Variants in CAST observed in about 807,000 individuals in gnomAD.
CAST encodes the protein MIR583 host.
A neutral mutation model predicts 119.6 loss-of-function variants in CAST; 76 were observed. That is an observed-to-expected ratio of 0.64 (90% confidence interval 0.53 to 0.77). CAST has a LOEUF of 0.77. Among genes scored for constraint, CAST ranks in the 30% least tolerant of loss-of-function variants. The probability of loss-of-function intolerance (pLI) is 0.00; values close to 1 mark genes in which losing one functional copy is unlikely to be tolerated. For missense variants in CAST, 953 were observed against 946.5 expected, an observed-to-expected ratio of 1.01 and a Z score of -0.09; for synonymous variants, 319 against 331.6, an observed-to-expected ratio of 0.96 and a Z score of 0.41.
chr5:96,659,848 C>A (rs147122675), upstream of CAST, among the ~76,000 whole-genome samples: 10 of 152,168 alleles, frequency 6.6e-5, no homozygotes, highest in East Asian at 1.9e-3. Flanking sequence ...AGGAGCTTCC[C>A]CAAATTAGTA....
chr5:96,284,504 A>G, the CAST span, among the ~76,000 whole-genome samples: 1 of 152,176 alleles, frequency 6.6e-6, no homozygotes, highest in Non-Finnish European at 1.5e-5. Flanking sequence ...GCTCCCAGGG[A>G]CTGCCTCTAA....
intron 18 of CAST, 97 bp downstream of exon 18, chr5:96,747,489 T>C: frequency 1.2e-6 from 1 of 811,152 alleles, no homozygotes; most frequent in East Asian, 2.6e-5. Context: ...CTGTGCAGAC[T>C]TGCATGCTAA....
At chr5:96,464,554 T>G in the CAST span, among the ~76,000 whole-genome samples, 1 of 152,216 alleles carries the variant, frequency 6.6e-6, no homozygotes, top group African/African-American at 2.4e-5. Context: ...AAAATACCAC[T>G]GAGTAAATTG....
the CAST span, among the ~76,000 whole-genome samples, chr5:96,375,962 C>T: frequency 2.1e-5 from 3 of 145,552 alleles, no homozygotes; most frequent in African/African-American, 5.2e-5. Context: ...TATATATCTC[C>T]TATTAATTCT....
the CAST span, among the ~76,000 whole-genome samples, chr5:96,297,150 A>C: frequency 6.6e-6 from 1 of 152,192 alleles, no homozygotes; most frequent in Non-Finnish European, 1.5e-5. Context: ...CTGTTCCAGT[A>C]GGTTATTTTG....
the CAST span, among the ~76,000 whole-genome samples, chr5:96,380,664 A>G: frequency 6.6e-6 from 1 of 152,226 alleles, no homozygotes; most frequent in Non-Finnish European, 1.5e-5. Context: ...AAGTGAAATT[A>G]AAGTTTCAGA....
chr5:96,678,396 A>G (rs914393169), intron 2 of CAST, among the ~76,000 whole-genome samples: 8 of 152,208 alleles, frequency 5.3e-5, no homozygotes, highest in African/African-American at 1.7e-4. Context: ...TTTGCTTTCT[A>G]TCTTCTTCAC....
chr5:96,040,891 G>A, the CAST span, among the ~76,000 whole-genome samples: 8 of 152,144 alleles, frequency 5.3e-5, no homozygotes, highest in East Asian at 9.6e-4. Flanking sequence ...CTCATAAAAT[G>A]AGTTAGGCAG....
the CAST span, among the ~76,000 whole-genome samples, chr5:96,080,210 T>C: frequency 6.6e-6 from 1 of 152,202 alleles, no homozygotes; most frequent in Admixed American, 6.5e-5. Flanking sequence ...AGAGGTGTTA[T>C]GGGCATTAAA....
the CAST span, among the ~76,000 whole-genome samples, chr5:96,093,208 G>T: frequency 6.6e-6 from 1 of 152,178 alleles, no homozygotes; most frequent in Non-Finnish European, 1.5e-5. Context: ...AGCATTCGGT[G>T]ACCCAATTCT....
the CAST span, among the ~76,000 whole-genome samples, chr5:96,355,674 G>A: frequency 0.012 from 1,818 of 151,950 alleles, 33 homozygotes; most frequent in African/African-American, 0.041. Flanking sequence ...ATTTCTCCAC[G>A]TCCTCTCCAG....
At chr5:96,328,193 T>C in the CAST span, among the ~76,000 whole-genome samples, 1 of 152,208 alleles carries the variant, frequency 6.6e-6, no homozygotes, top group Non-Finnish European at 1.5e-5. Flanking sequence ...TGAAAAATGT[T>C]AAAAACTCAT....
At chr5:96,427,776 G>T in the CAST span, among the ~76,000 whole-genome samples, 1 of 152,154 alleles carries the variant, frequency 6.6e-6, no homozygotes, top group Non-Finnish European at 1.5e-5. Context: ...ATGCAGTTTG[G>T]GCATGCATTT....
intron 1 of CAST, among the ~76,000 whole-genome samples, chr5:96,579,219 A>C (rs1003760658): frequency 2.6e-5 from 4 of 152,128 alleles, no homozygotes; most frequent in African/African-American, 9.7e-5. Context: ...CCAGGTACCT[A>C]CTGTGGCATA....
the CAST span, among the ~76,000 whole-genome samples, chr5:96,056,874 C>T: frequency 1.3e-5 from 2 of 152,118 alleles, no homozygotes; most frequent in Non-Finnish European, 2.9e-5. Context: ...AGGGATCTCT[C>T]TACCATCCCC....
chr5:96,096,599 G>T, the CAST span, among the ~76,000 whole-genome samples: 1 of 152,194 alleles, frequency 6.6e-6, no homozygotes, highest in Non-Finnish European at 1.5e-5. Context: ...CTGCAATCTT[G>T]TTTCCATTTT....
the CAST span, among the ~76,000 whole-genome samples, chr5:96,227,756 C>A: frequency 6.6e-6 from 1 of 151,944 alleles, no homozygotes; most frequent in African/African-American, 2.4e-5. Flanking sequence ...ATCAGTTTAC[C>A]CAACTTCCAC....
At chr5:95,986,110 C>T in the CAST span, 7 of 152,206 alleles carry the variant, frequency 4.6e-5, no homozygotes, top group Admixed American at 4.6e-4. Flanking sequence ...TTAAGTCCTG[C>T]TTTCTAAAGG....
At chr5:96,482,303 C>G in the CAST span, among the ~76,000 whole-genome samples, 1 of 151,458 alleles carries the variant, frequency 6.6e-6, no homozygotes, top group Non-Finnish European at 1.5e-5. Flanking sequence ...GGTTAGTTGC[C>G]ATGAAACTGA....
Sources: allele counts gnomAD v4.1 joint callset (sites outside exome capture counted in the v4.1 genomes callset), GRCh38; gene constraint gnomAD v4.1.1; transcripts MANE v1.5; gene names NCBI Gene and HGNC (gene_info 2026-07-23, HGNC 2026-07-21).